The following ARHGAP42 variants were observed in gnomAD, a reference collection of about 807,000 sequenced individuals.
ARHGAP42 encodes the protein Rho GTPase activating protein 42.
ARHGAP42 carries 63 observed loss-of-function variants against 125.0 expected under a neutral mutation model. That is an observed-to-expected ratio of 0.50 (90% CI 0.41 to 0.62). The LOEUF (loss-of-function observed/expected upper bound fraction) is 0.62. ARHGAP42 is among the 20% of genes least tolerant of loss of function. The pLI is 0.00. For synonymous variants in ARHGAP42, 339 were observed against 351.0 expected (o/e 0.97, Z 0.38); for missense variants, 766 against 1,024.2 (o/e 0.75, Z 3.44).
intron 5 of ARHGAP42, among the ~76,000 whole-genome samples, chr11:100,915,256 T>G (rs1867032216): frequency 6.6e-6 from 1 of 152,182 alleles, no homozygotes; most frequent in Non-Finnish European, 1.5e-5. Flanking sequence ...CAAAATGTCT[T>G]AAGTGATATT....
At chr11:100,934,747 G>A (rs891451290) in intron 7 of ARHGAP42, among the ~76,000 whole-genome samples, 2 of 152,096 alleles carry the variant, frequency 1.3e-5, no homozygotes, top group African/African-American at 4.8e-5. Flanking sequence ...CTGCTTATCT[G>A]GTTCTTGCTG....
At chr11:100,922,370 A>AT (rs1050556790) in intron 6 of ARHGAP42, among the ~76,000 whole-genome samples, 1 of 152,034 alleles carries the variant, frequency 6.6e-6, no homozygotes, top group African/African-American at 2.4e-5. Flanking sequence ...AGCTTATTTC[A>AT]TTTTTTAGCA....
chr11:100,700,267 C>T (rs940021498), intron 1 of ARHGAP42, among the ~76,000 whole-genome samples: 2 of 152,148 alleles, frequency 1.3e-5, no homozygotes, highest in African/African-American at 2.4e-5. Flanking sequence ...GAGCCATCAG[C>T]GAGTTATAAT....
At chr11:100,889,538 A>G (rs951300187) in intron 4 of ARHGAP42, among the ~76,000 whole-genome samples, 1 of 152,120 alleles carries the variant, frequency 6.6e-6, no homozygotes, top group Non-Finnish European at 1.5e-5. Flanking sequence ...TTCTTTATAA[A>G]TTACCTAATC....
At chr11:100,743,816 G>A (rs1024661736) in intron 1 of ARHGAP42, among the ~76,000 whole-genome samples, 2 of 151,734 alleles carry the variant, frequency 1.3e-5, no homozygotes, top group African/African-American at 2.4e-5. Context: ...TCTTCTCTTC[G>A]AGCTCTTTCA....
chr11:100,833,040 A>T (rs1006618838), intron 3 of ARHGAP42, among the ~76,000 whole-genome samples: 2 of 152,206 alleles, frequency 1.3e-5, no homozygotes, highest in African/African-American at 4.8e-5. Flanking sequence ...ACAGAAGTCT[A>T]ACTCTGCATT....
intron 1 of ARHGAP42, among the ~76,000 whole-genome samples, chr11:100,724,139 A>G (rs1861813859): frequency 1.3e-5 from 2 of 152,132 alleles, no homozygotes; most frequent in African/African-American, 4.8e-5. Flanking sequence ...TGATTTTAGA[A>G]TGTTCTGTCA....
chr11:100,779,562 GTATATATACGTA>G (rs1863243392), intron 2 of ARHGAP42, among the ~76,000 whole-genome samples: 1 of 89,690 alleles, frequency 1.1e-5, no homozygotes, highest in Non-Finnish European at 2.5e-5. Flanking sequence ...ATATACATAC[GTATATATACGTA>G]TATATACATA....
chr11:100,837,666 C>CTTTTTTTTTTTTTTTA (rs1864831638), intron 3 of ARHGAP42, among the ~76,000 whole-genome samples: 1 of 61,042 alleles, frequency 1.6e-5, no homozygotes, highest in East Asian at 5.9e-4. Context: ...AGGTGTCATC[C>CTTTTTTTTTTTTTTTA]TTTTTTTTTT....
chr11:100,806,011 C>G (rs1174990326), intron 3 of ARHGAP42, among the ~76,000 whole-genome samples: 1 of 152,116 alleles, frequency 6.6e-6, no homozygotes, highest in East Asian at 1.9e-4. Flanking sequence ...GGAAAGTAGC[C>G]CAGTTAAGTC....
At chr11:100,829,321 C>CT in intron 3 of ARHGAP42, among the ~76,000 whole-genome samples, 1 of 151,576 alleles carries the variant, frequency 6.6e-6, no homozygotes, top group South Asian at 2.1e-4. Context: ...GATCATGCCA[C>CT]TGCACTCCAG....
At chr11:100,710,248 G>T (rs1302931354) in intron 1 of ARHGAP42, among the ~76,000 whole-genome samples, 1 of 151,434 alleles carries the variant, frequency 6.6e-6, no homozygotes, top group South Asian at 2.1e-4. Context: ...TATTTTTTTA[G>T]ACAGAGTCTC....
At chr11:100,859,036 T>TATAATAGTTTC (rs1206817141) in intron 3 of ARHGAP42, among the ~76,000 whole-genome samples, 5 of 152,108 alleles carry the variant, frequency 3.3e-5, no homozygotes, top group African/African-American at 1.2e-4. Context: ...ACTATTTTAG[T>TATAATAGTTTC]CAGGTTGGAA....
At chr11:100,875,366 C>T (rs541403682) in intron 4 of ARHGAP42, among the ~76,000 whole-genome samples, 84 of 152,176 alleles carry the variant, frequency 5.5e-4, no homozygotes, top group African/African-American at 1.9e-3. Context: ...GAGGATTGGG[C>T]TAGGGCTGGG....
intron 5 of ARHGAP42, 40 bp downstream of exon 5, chr11:100,913,593 T>C: frequency 9.2e-7 from 1 of 1,087,288 alleles, no homozygotes; most frequent in Non-Finnish European, 1.2e-6. Context: ...AGGCATTAAG[T>C]CATATAAAGT....
At chr11:100,855,672 T>C (rs899319777) in intron 3 of ARHGAP42, among the ~76,000 whole-genome samples, 1 of 152,046 alleles carries the variant, frequency 6.6e-6, no homozygotes, top group African/African-American at 2.4e-5. Flanking sequence ...TTGTGGCTAT[T>C]TATTAGAACC....
At chr11:100,771,712 C>A (rs1862984406) in intron 2 of ARHGAP42, among the ~76,000 whole-genome samples, 1 of 152,040 alleles carries the variant, frequency 6.6e-6, no homozygotes, top group African/African-American at 2.4e-5. Context: ...AATTCTCCTG[C>A]CTCAGCCTCC....
Position 100,717,392 on chromosome 11 carries a change from C to T in ARHGAP42, c.154+29560C>T, listed in dbSNP as rs1183125435. On this transcript the variant is annotated intron_variant, in intron 1 of 23. Transcript: ENST00000298815. ...GTGGCTCATGCCTGTAATCCCAGCA[C>T]TTTGGGAGGCCGAGGCGGGCGGATC... Among the ~76,000 whole-genome samples, 5 of 152,052 alleles carry T rather than the reference C, an allele frequency of 3.3e-5. No individual in the cohort carries two copies. The East Asian group carries it at 7.7e-4, about 24-fold the overall frequency.
chr11:100,736,402 C>G (rs1158243626), intron 1 of ARHGAP42, among the ~76,000 whole-genome samples: 1 of 152,170 alleles, frequency 6.6e-6, no homozygotes, highest in Non-Finnish European at 1.5e-5. Flanking sequence ...AGCTGCCTTC[C>G]TGGAATAAAC....
Sources: allele counts gnomAD v4.1 joint callset (sites outside exome capture counted in the v4.1 genomes callset), GRCh38; gene constraint gnomAD v4.1.1; transcripts MANE v1.5; gene names NCBI Gene and HGNC (gene_info 2026-07-23, HGNC 2026-07-21).